Variants in PRKX observed in about 807,000 individuals in gnomAD.
PRKX encodes cAMP-dependent protein kinase catalytic subunit PRKX.
Under a neutral mutation model 22.0 loss-of-function variants are expected in PRKX, and 12 were observed. That is an observed-to-expected ratio of 0.54 (90% CI 0.35 to 0.88). The LOEUF (loss-of-function observed/expected upper bound fraction) is 0.88, where lower values mean the gene tolerates loss of function less well. Among genes scored for constraint, PRKX ranks in the 40% least tolerant of loss-of-function variants. The probability of loss-of-function intolerance (pLI) is 0.01; values close to 1 mark genes in which losing one functional copy is unlikely to be tolerated. For synonymous variants in PRKX, 134 were observed against 137.7 expected, an observed-to-expected ratio of 0.97 and a Z score of 0.19; for missense variants, 217 against 308.0, an observed-to-expected ratio of 0.70 and a Z score of 2.21.
intron 1 of PRKX, among the ~76,000 whole-genome samples, chrX:3,683,964 G>C (rs1243682377): frequency 3.6e-5 from 4 of 111,290 alleles, no homozygotes; most frequent in Non-Finnish European, 7.6e-5. Flanking sequence ...AAAAAAACAA[G>C]GTAGTTGGCC....
At chrX:3,610,552 A>G (rs1009939650) in intron 8 of PRKX, among the ~76,000 whole-genome samples, 13 of 111,196 alleles carry the variant, frequency 1.2e-4, no homozygotes, top group African/African-American at 4.3e-4. Flanking sequence ...GATTCCACTT[A>G]GCAAAAATAA....
chrX:3,675,983 G>A (rs1927945506), intron 1 of PRKX, among the ~76,000 whole-genome samples: 1 of 111,181 alleles, frequency 9.0e-6, no homozygotes, highest in Non-Finnish European at 1.9e-5. Flanking sequence ...GGGCTCAAGT[G>A]ATCCTCCTGC....
At chrX:3,613,207 T>G (rs1285120605) in intron 7 of PRKX, among the ~76,000 whole-genome samples, 5 of 99,357 alleles carry the variant, frequency 5.0e-5, no homozygotes, top group Non-Finnish European at 1.0e-4. Context: ...TAGCCAGGTA[T>G]GTAGACAGGT....
At chrX:3,628,911 G>T (rs775078439) in intron 4 of PRKX, among the ~76,000 whole-genome samples, 1 of 110,031 alleles carries the variant, frequency 9.1e-6, no homozygotes, top group East Asian at 2.9e-4. Flanking sequence ...ATGGTCCCCG[G>T]TGCTTGTAAT....
intron 4 of PRKX, among the ~76,000 whole-genome samples, chrX:3,636,985 GA>G (rs1227684312): frequency 9.9e-6 from 1 of 101,398 alleles, no homozygotes; most frequent in African/African-American, 3.5e-5. Flanking sequence ...GGGGAAAGGG[GA>G]AAAGGGAAAG....
At chrX:3,712,790 C>A (rs1259784487) in intron 1 of PRKX, among the ~76,000 whole-genome samples, 1 of 112,597 alleles carries the variant, frequency 8.9e-6, no homozygotes. Context: ...GTCGGACGGC[C>A]CAGGCCCCAG....
intron 1 of PRKX, among the ~76,000 whole-genome samples, chrX:3,691,546 C>T (rs1928325750): frequency 1.8e-5 from 2 of 108,585 alleles, no homozygotes; most frequent in African/African-American, 6.7e-5. Context: ...TCCCGCAGGA[C>T]TCCCCCGAAT....
At chrX:3,654,066 ATAC>A (rs1927421896) in intron 3 of PRKX, among the ~76,000 whole-genome samples, 1 of 83,716 alleles carries the variant, frequency 1.2e-5, no homozygotes, top group South Asian at 5.1e-4. Context: ...ATAGTATAAT[ATAC>A]TATATAATAT....
intron 4 of PRKX, 113 bp from the exon 5 acceptor site, chrX:3,626,627 A>G (rs1043895201): frequency 1.4e-4 from 86 of 603,109 alleles, no homozygotes; most frequent in Non-Finnish European, 2.3e-4. Flanking sequence ...TTTATTTCAC[A>G]TGCTCTTCCC....
At chrX:3,649,064 A>C (rs1286091912) in intron 3 of PRKX, among the ~76,000 whole-genome samples, 1 of 111,943 alleles carries the variant, frequency 8.9e-6, no homozygotes, top group Admixed American at 9.5e-5. Flanking sequence ...CTTTAATCCA[A>C]ATCTGAAATC....
chrX:3,704,597 G>A (rs757363706), intron 1 of PRKX, among the ~76,000 whole-genome samples: 10 of 110,710 alleles, frequency 9.0e-5, no homozygotes, highest in African/African-American at 1.6e-4. Context: ...AGCCTGGGAC[G>A]TCAATGCTGC....
At chrX:3,641,195 T>C (rs1337122558) in intron 4 of PRKX, among the ~76,000 whole-genome samples, 1 of 111,816 alleles carries the variant, frequency 8.9e-6, no homozygotes, top group African/African-American at 3.3e-5. Context: ...TTCCCCAAAT[T>C]CTTTATTGCG....
intron 4 of PRKX, among the ~76,000 whole-genome samples, chrX:3,636,888 C>T (rs1926897985): frequency 9.3e-6 from 1 of 108,100 alleles, no homozygotes; most frequent in Non-Finnish European, 1.9e-5. Context: ...AAGATTGTGC[C>T]ACTGCACTCC....
At chrX:3,624,671 G>A (rs2146562087) in intron 5 of PRKX, among the ~76,000 whole-genome samples, 1 of 110,202 alleles carries the variant, frequency 9.1e-6, no homozygotes, top group African/African-American at 3.3e-5. Context: ...CCAGTCTGGA[G>A]TGCAGTGGTG....
At chrX:3,625,427 T>C (rs1301221228) in intron 5 of PRKX, among the ~76,000 whole-genome samples, 1 of 112,375 alleles carries the variant, frequency 8.9e-6, no homozygotes, top group Non-Finnish European at 1.9e-5. Context: ...CTCAACTAGA[T>C]GCATTTAGCT....
At chrX:3,667,799 T>A (rs1415625145) in intron 2 of PRKX, 2 of 111,019 alleles carry the variant, frequency 1.8e-5, no homozygotes, top group Non-Finnish European at 3.8e-5. Context: ...GAACTCAGAT[T>A]TGAGTTTCTC....
chrX:3,619,745 T>C (rs1002084168), intron 6 of PRKX, among the ~76,000 whole-genome samples: 1 of 111,387 alleles, frequency 9.0e-6, no homozygotes, highest in Non-Finnish European at 1.9e-5. Flanking sequence ...AAATTCCTGT[T>C]GTTTAAGCCC....
At chrX:3,611,221 C>T (rs1926289138) in intron 8 of PRKX, 1 of 112,220 alleles carries the variant, frequency 8.9e-6, no homozygotes, top group Admixed American at 9.5e-5. Flanking sequence ...CTCTCATTCA[C>T]CACGTCTTTC....
At chrX:3,647,685 T>C (rs1288334627) in intron 3 of PRKX, among the ~76,000 whole-genome samples, 3 of 109,140 alleles carry the variant, frequency 2.7e-5, no homozygotes, top group Non-Finnish European at 5.7e-5. Flanking sequence ...ATAATTATGA[T>C]TTTATATGTA....
Sources: allele counts gnomAD v4.1 joint callset (sites outside exome capture counted in the v4.1 genomes callset), GRCh38; gene constraint gnomAD v4.1.1; transcripts MANE v1.5; gene names NCBI Gene and HGNC (gene_info 2026-07-23, HGNC 2026-07-21).